PCDHA9: variants seen among roughly 807,000 people sequenced by gnomAD.
PCDHA9 encodes protocadherin alpha 9.
Under a neutral mutation model 62.0 loss-of-function variants are expected in PCDHA9, and 62 were observed. The ratio of observed to expected loss-of-function variants is 1.00; its 90% CI spans 0.81 to 1.23. PCDHA9 has a LOEUF of 1.23. Among genes scored for constraint, PCDHA9 ranks in the 50% most tolerant of loss-of-function variants. The pLI is 0.00. For synonymous variants in PCDHA9, 557 were observed against 567.6 expected (o/e 0.98, Z 0.27); for missense variants, 1,205 against 1,249.8 (o/e 0.96, Z 0.54).
chr5:140,905,162 G>A (rs2071641359), intron 1 of PCDHA9, among the ~76,000 whole-genome samples: 1 of 152,118 alleles, frequency 6.6e-6, no homozygotes, highest in African/African-American at 2.4e-5. Flanking sequence ...GAATTTTCAT[G>A]GTTTCAGGTT....
chr5:140,919,455 ATGT>A (rs2079137711), intron 1 of PCDHA9, among the ~76,000 whole-genome samples: 1 of 152,118 alleles, frequency 6.6e-6, no homozygotes, highest in Admixed American at 6.5e-5. Flanking sequence ...TATTCACATG[ATGT>A]TACTATTGAT....
At chr5:140,942,588 ATATAAT>A (rs1164852863) in intron 1 of PCDHA9, among the ~76,000 whole-genome samples, 1 of 149,588 alleles carries the variant, frequency 6.7e-6, no homozygotes, top group Non-Finnish European at 1.5e-5. Flanking sequence ...AGGATGTCAC[ATATAAT>A]TATAGTGTTT....
chr5:140,853,719 C>T lies in PCDHA9; in HGVS notation c.2394+2830C>T, dbSNP rs2042844142. 3 of 988,390 alleles carry T rather than the reference C, an allele frequency of 3.0e-6. 1 individual carries two copies. Among genetic ancestry groups the T allele is most frequent in the Non-Finnish European group, 3.7e-6 (3 of 820,332 alleles). The allele number at this position is 988,390 out of a possible 1,614,324, so 61.2% of individuals were successfully genotyped here. Reference sequence around the variant, plus strand: ...GCTAACGCATTAGCATTAGCAGCACCTAAGTCCTCATTGAATGTTCTGGTT... The same window carrying T: ...GCTAACGCATTAGCATTAGCAGCACTTAAGTCCTCATTGAATGTTCTGGTT... On this transcript the variant is annotated intron_variant, in intron 1 of 3. Coordinates refer to ENST00000532602, the MANE Select transcript of PCDHA9 (RefSeq NM_031857.2).
At chr5:140,976,143 A>G (rs2096703250) in intron 1 of PCDHA9, among the ~76,000 whole-genome samples, 1 of 152,236 alleles carries the variant, frequency 6.6e-6, no homozygotes, top group South Asian at 2.1e-4. Flanking sequence ...GATGAAACTC[A>G]TGTACATTTT....
chr5:140,944,623 T>A (rs535315515), intron 1 of PCDHA9, among the ~76,000 whole-genome samples: 62 of 152,320 alleles, frequency 4.1e-4, no homozygotes, highest in Non-Finnish European at 7.3e-4. Context: ...AGAAGTATAG[T>A]GTTGTAAGCC....
chr5:140,890,931 C>T (rs2062870447), intron 1 of PCDHA9, among the ~76,000 whole-genome samples: 1 of 152,090 alleles, frequency 6.6e-6, no homozygotes, highest in Admixed American at 6.6e-5. Context: ...TTCCTTTAGT[C>T]CAAAGATGCT....
intron 1 of PCDHA9, chr5:140,870,875 C>T (rs1235290760): frequency 3.7e-6 from 6 of 1,613,912 alleles, no homozygotes; most frequent in Non-Finnish European, 5.1e-6. Context: ...CACGTGGTGG[C>T]GAAGGTGCGC....
chr5:140,993,949 T>C (rs1330727166), intron 3 of PCDHA9, among the ~76,000 whole-genome samples: 1 of 152,204 alleles, frequency 6.6e-6, no homozygotes, highest in Non-Finnish European at 1.5e-5. Flanking sequence ...TGTTAAGTGA[T>C]ACATGACTGT....
chr5:140,875,329 T>C, intron 1 of PCDHA9: 1 of 1,437,476 alleles, frequency 7.0e-7, no homozygotes, highest in Non-Finnish European at 9.1e-7. Flanking sequence ...ATTCACGGAA[T>C]AGGATCGACT....
intron 1 of PCDHA9, among the ~76,000 whole-genome samples, chr5:140,903,228 C>T (rs1417505177): frequency 1.3e-5 from 2 of 152,112 alleles, no homozygotes; most frequent in Non-Finnish European, 2.9e-5. Flanking sequence ...ACATCTATTA[C>T]TTTTTGATTT....
chr5:140,942,435 A>G (rs1258382123), intron 1 of PCDHA9, among the ~76,000 whole-genome samples: 2 of 152,114 alleles, frequency 1.3e-5, no homozygotes, highest in East Asian at 3.9e-4. Flanking sequence ...ATCTAACAAT[A>G]AACAAGTAAA....
At chr5:140,979,126 A>G in intron 2 of PCDHA9, 119 bp downstream of exon 2, 2 of 1,481,366 alleles carry the variant, frequency 1.4e-6, no homozygotes, top group South Asian at 1.4e-5. Context: ...GTACTTTGCC[A>G]GGAAAATGCA....
chr5:141,006,126 G>T (rs1554260581), intron 3 of PCDHA9, among the ~76,000 whole-genome samples: 1 of 151,330 alleles, frequency 6.6e-6, no homozygotes. Flanking sequence ...TTTTCTCAAG[G>T]CAGTAGAAAG....
At chr5:140,863,452 G>T in intron 1 of PCDHA9, 2 of 561,032 alleles carry the variant, frequency 3.6e-6, no homozygotes, top group Non-Finnish European at 6.8e-6. Flanking sequence ...TCGCAGCAAA[G>T]GAGATTTTAC....
intron 1 of PCDHA9, chr5:140,883,733 C>G (rs1554179634): frequency 3.1e-6 from 5 of 1,613,458 alleles, no homozygotes; most frequent in African/African-American, 1.3e-5. Flanking sequence ...GGAGAACGCG[C>G]TGGTCTCCTA....
chr5:140,937,069 G>A (rs1385358225), intron 1 of PCDHA9, among the ~76,000 whole-genome samples: 3 of 138,378 alleles, frequency 2.2e-5, no homozygotes, highest in South Asian at 2.2e-4. Context: ...ACGGAGTCTC[G>A]CTCTGTCGCC....
intron 1 of PCDHA9, among the ~76,000 whole-genome samples, chr5:140,978,185 G>C (rs1177844558): frequency 1.3e-5 from 2 of 152,168 alleles, no homozygotes; most frequent in East Asian, 3.8e-4. Context: ...GAGGGCAACA[G>C]ATCTTTTCAA....
intron 1 of PCDHA9, among the ~76,000 whole-genome samples, chr5:140,886,071 A>G (rs985861864): frequency 3.9e-5 from 6 of 152,338 alleles, no homozygotes; most frequent in South Asian, 2.1e-4. Context: ...GCGTAGGGCC[A>G]TACCACAACC....
At position 140,883,390 on chromosome 5, in the gene PCDHA9, G is replaced by A. The variant is rs373348994; in HGVS notation, c.2394+32501G>A. The A allele has an allele frequency of 2.5e-6, 4 of 1,614,050 alleles. No homozygotes were observed. The African/African-American group carries it at 5.3e-5, about 22-fold the overall frequency. ...GCGCCATTATTGCCCTAATCAGTGT[G>A]TCCGATCGTGACTCTGGCTCAAATG... is the stretch of plus-strand genomic sequence containing the variant. On this transcript the variant is annotated intron_variant, in intron 1 of 3. Coordinates refer to ENST00000532602, the MANE Select transcript of PCDHA9 (RefSeq NM_031857.2).
Sources: gnomAD v4.1 joint callset for allele counts (sites outside exome capture counted in the v4.1 genomes callset) on GRCh38, gnomAD v4.1.1 for gene constraint, MANE v1.5 for transcripts, NCBI Gene and HGNC (gene_info 2026-07-23, HGNC 2026-07-21) for gene names.